ERC2: variants seen among roughly 807,000 people sequenced by gnomAD.
ERC2 encodes ELKS/RAB6-interacting/CAST family member 2, also known as ERC protein 2.
Under a neutral mutation model 114.8 loss-of-function variants are expected in ERC2, and 42 were observed. That is an observed-to-expected ratio of 0.37 (90% confidence interval 0.29 to 0.47). ERC2 has a LOEUF of 0.47. Ranked by LOEUF, ERC2 falls within the 20% of genes least tolerant of loss-of-function variation. The pLI is 0.99. For missense variants in ERC2, 939 were observed against 1,150.7 expected (o/e 0.82, Z 2.66); for synonymous variants, 454 against 425.5 (o/e 1.07, Z -0.82).
intron 7 of ERC2, among the ~76,000 whole-genome samples, chr3:56,032,067 T>G (rs1199518784): frequency 6.6e-6 from 1 of 152,140 alleles, no homozygotes; most frequent in Non-Finnish European, 1.5e-5. Flanking sequence ...ACCTCCCTCT[T>G]CTCTCTCATC....
At chr3:55,555,904 C>G (rs998626880) in intron 17 of ERC2, among the ~76,000 whole-genome samples, 2 of 152,126 alleles carry the variant, frequency 1.3e-5, no homozygotes, top group African/African-American at 4.8e-5. Context: ...AAAGAGCAGC[C>G]CATTCAATAA....
chr3:56,226,393 G>C (rs2050250508), intron 3 of ERC2, among the ~76,000 whole-genome samples: 1 of 152,084 alleles, frequency 6.6e-6, no homozygotes, highest in Admixed American at 6.6e-5. Flanking sequence ...TTCTGTAGTT[G>C]TACAAAATTA....
intron 11 of ERC2, among the ~76,000 whole-genome samples, chr3:55,987,972 A>T (rs2070762403): frequency 6.6e-6 from 1 of 152,188 alleles, no homozygotes; most frequent in South Asian, 2.1e-4. Context: ...AATCCCTAAC[A>T]TATTTAAGAT....
chr3:55,836,620 C>T (rs2060897341), intron 14 of ERC2, among the ~76,000 whole-genome samples: 1 of 152,090 alleles, frequency 6.6e-6, no homozygotes, highest in African/African-American at 2.4e-5. Flanking sequence ...GGATTAAAGA[C>T]TTAAACGTTA....
intron 17 of ERC2, among the ~76,000 whole-genome samples, chr3:55,594,355 T>C (rs1433103141): frequency 1.3e-5 from 2 of 152,176 alleles, no homozygotes; most frequent in African/African-American, 4.8e-5. Context: ...AAAACACAAT[T>C]GCCTGAATGA....
chr3:56,065,177 G>A (rs182625539), intron 7 of ERC2, among the ~76,000 whole-genome samples: 10 of 151,782 alleles, frequency 6.6e-5, no homozygotes, highest in Admixed American at 5.3e-4. Flanking sequence ...TAAATAATCC[G>A]GGTCCCCCTA....
chr3:55,679,319 C>T (rs1189983030), intron 17 of ERC2, among the ~76,000 whole-genome samples: 2 of 152,182 alleles, frequency 1.3e-5, no homozygotes, highest in Non-Finnish European at 2.9e-5. Flanking sequence ...GCATGGATAC[C>T]TCCTGACTCT....
At chr3:55,834,562 C>A (rs529700744) in intron 14 of ERC2, among the ~76,000 whole-genome samples, 1 of 151,258 alleles carries the variant, frequency 6.6e-6, no homozygotes, top group African/African-American at 2.4e-5. Flanking sequence ...TTGAAACCAA[C>A]GAGAACAAAG....
chr3:56,178,966 C>G (rs1010070526), intron 3 of ERC2, among the ~76,000 whole-genome samples: 11 of 151,118 alleles, frequency 7.3e-5, no homozygotes, highest in African/African-American at 2.7e-4. Flanking sequence ...CAGGGGTGTC[C>G]AATCTTTTGG....
chr3:56,411,820 T>G (rs2060951083), intron 2 of ERC2, among the ~76,000 whole-genome samples: 1 of 152,148 alleles, frequency 6.6e-6, no homozygotes, highest in Non-Finnish European at 1.5e-5. Context: ...TCTTAACCAC[T>G]GCACCAAACT....
chr3:56,072,119 C>T (rs954569287), intron 7 of ERC2: 1 of 154,090 alleles, frequency 6.5e-6, no homozygotes, highest in Non-Finnish European at 1.5e-5. Flanking sequence ...TGAGGGCAAT[C>T]TGGCTGCAAC....
chr3:56,214,425 T>G (rs1034122917), intron 3 of ERC2, among the ~76,000 whole-genome samples: 1 of 151,734 alleles, frequency 6.6e-6, no homozygotes, highest in South Asian at 2.1e-4. Flanking sequence ...AAATGAAGCA[T>G]GAAGAGAAGT....
intron 15 of ERC2, among the ~76,000 whole-genome samples, chr3:55,728,662 G>A (rs2065067388): frequency 6.6e-6 from 1 of 152,292 alleles, no homozygotes; most frequent in East Asian, 1.9e-4. Flanking sequence ...ACTGAAGTTT[G>A]AAAACAGCTG....
intron 3 of ERC2, among the ~76,000 whole-genome samples, chr3:56,267,866 G>T (rs886278595): frequency 6.6e-6 from 1 of 152,074 alleles, no homozygotes; most frequent in Non-Finnish European, 1.5e-5. Context: ...GAGATCTAAT[G>T]TTCAGCATGA....
At chr3:56,361,980 T>G in intron 2 of ERC2, among the ~76,000 whole-genome samples, 1 of 152,162 alleles carries the variant, frequency 6.6e-6, no homozygotes, top group East Asian at 1.9e-4. Flanking sequence ...AAACACTGTT[T>G]TAATTACACA....
intron 3 of ERC2, among the ~76,000 whole-genome samples, chr3:56,246,059 T>A (rs2150217917): frequency 6.6e-6 from 1 of 150,554 alleles, no homozygotes; most frequent in African/African-American, 2.4e-5. Flanking sequence ...TAGTGATATT[T>A]CTTCCCTAAT....
intron 2 of ERC2, among the ~76,000 whole-genome samples, chr3:56,369,950 T>C (rs55703247): frequency 0.061 from 9,310 of 152,160 alleles, 412 homozygotes; most frequent in African/African-American, 0.11. Context: ...GCTGGGATTA[T>C]AGGCATGAGC....
chr3:56,066,246 G>T (rs541451383), intron 7 of ERC2, among the ~76,000 whole-genome samples: 4 of 152,252 alleles, frequency 2.6e-5, no homozygotes, highest in African/African-American at 9.6e-5. Flanking sequence ...ATTCTAACCG[G>T]CATGAGATGG....
intron 2 of ERC2, among the ~76,000 whole-genome samples, chr3:56,327,747 T>C (rs1207188087): frequency 6.6e-6 from 1 of 152,188 alleles, no homozygotes; most frequent in Non-Finnish European, 1.5e-5. Flanking sequence ...GAGACCTCCC[T>C]TCTGAATCGA....
Sources: gnomAD v4.1 joint callset for allele counts (sites outside exome capture counted in the v4.1 genomes callset) on GRCh38, gnomAD v4.1.1 for gene constraint, MANE v1.5 for transcripts, NCBI Gene and HGNC (gene_info 2026-07-23, HGNC 2026-07-21) for gene names.